Variants in PCDHGB1 observed in about 807,000 individuals in gnomAD.
The protein encoded by PCDHGB1 is protocadherin gamma-B1.
Under a neutral mutation model 56.6 loss-of-function variants are expected in PCDHGB1, and 34 were observed. The observed-to-expected ratio is 0.60, with a 90% CI of 0.46 to 0.80. PCDHGB1 has a LOEUF of 0.80. Among genes scored for constraint, PCDHGB1 ranks in the 30% least tolerant of loss-of-function variants. PCDHGB1 has a pLI of 0.00. For missense variants in PCDHGB1, 1,278 were observed against 1,204.6 expected, an observed-to-expected ratio of 1.06 and a Z score of -0.90; for synonymous variants, 561 against 505.9, an observed-to-expected ratio of 1.11 and a Z score of -1.46.
At chr5:141,411,631 C>G (rs570915798) in intron 1 of PCDHGB1, 1 of 151,812 alleles carries the variant, frequency 6.6e-6, no homozygotes, top group South Asian at 2.1e-4. Context: ...TGCTGTAATC[C>G]CAGCACTTTG....
At chr5:141,354,723 T>C (rs778133300) in intron 1 of PCDHGB1, among the ~76,000 whole-genome samples, 10 of 152,098 alleles carry the variant, frequency 6.6e-5, no homozygotes, top group Non-Finnish European at 1.5e-4. Flanking sequence ...GCTGTGGGGA[T>C]GAACAATGTG....
At chr5:141,444,152 A>ATTTTTTTTTTTTTTTTT (rs747671382) in intron 1 of PCDHGB1, among the ~76,000 whole-genome samples, 1 of 33,898 alleles carries the variant, frequency 3.0e-5, no homozygotes, top group African/African-American at 1.4e-4. Context: ...TGTGTACTGG[A>ATTTTTTTTTTTTTTTTT]TTTTTTTTTT....
intron 1 of PCDHGB1, among the ~76,000 whole-genome samples, chr5:141,401,627 G>A (rs998564450): frequency 6.6e-6 from 1 of 152,176 alleles, no homozygotes; most frequent in African/African-American, 2.4e-5. Flanking sequence ...TTGTCTTATC[G>A]TTTGGAGCTT....
chr5:141,428,057 G>T, intron 1 of PCDHGB1: 1 of 1,609,044 alleles, frequency 6.2e-7, no homozygotes, highest in Non-Finnish European at 8.5e-7. Flanking sequence ...AGGTGGTGGC[G>T]GTGGACGCAG....
At chr5:141,397,770 A>G (rs913843546) in intron 1 of PCDHGB1, among the ~76,000 whole-genome samples, 13 of 152,238 alleles carry the variant, frequency 8.5e-5, no homozygotes, top group African/African-American at 2.2e-4. Flanking sequence ...TTTATTAAGT[A>G]TATGGACGTA....
At chr5:141,404,089 T>A in intron 1 of PCDHGB1, 2 of 1,613,496 alleles carry the variant, frequency 1.2e-6, no homozygotes, top group Non-Finnish European at 1.7e-6. Flanking sequence ...CCGGGAAGAA[T>A]GGTCAAGTTG....
intron 1 of PCDHGB1, chr5:141,356,486 C>T (rs978605314): frequency 1.2e-6 from 2 of 1,613,992 alleles, no homozygotes; most frequent in South Asian, 1.1e-5. Flanking sequence ...GACCAGGGAA[C>T]TCCTCCACTG....
At position 141,381,798 on chromosome 5, in the gene PCDHGB1, C is replaced by CTCTT. The variant is rs372235829; in HGVS notation, c.2409+29150_2409+29153dup. ...ATCAGGAACAAGGCAAGGCAATTCC[C>CTCTT]TCTTTCTTTCTTTCTTTCTTTCTTC... is the stretch of plus-strand genomic sequence containing the variant. On this transcript the variant is annotated intron_variant, in intron 1 of 3. Coordinates refer to ENST00000523390, the MANE Select transcript of PCDHGB1 (RefSeq NM_018922.3). Among the ~76,000 whole-genome samples, 697 of 144,002 alleles carry CTCTT rather than the reference C, an allele frequency of 4.8e-3. 9 individuals carry two copies. The highest frequency in any genetic ancestry group is 9.2e-3 in the South Asian group (42 of 4,556). 94.5% of individuals were successfully genotyped at this position (144,002 alleles called of 152,430 possible).
At position 141,491,687 on chromosome 5, in the gene PCDHGB1, G is replaced by T. The variant is rs946829558; in HGVS notation, c.2410-3120G>T. 6.2e-7 allele frequency: 1 copy of T among 1,613,072 alleles called. No individual in the cohort carries two copies. Among genetic ancestry groups the T allele is most frequent in the African/African-American group, 1.3e-5 (1 of 75,046 alleles). On this transcript the variant is annotated intron_variant, in intron 1 of 3. Transcript: ENST00000523390. This position sits in a 1 kb window ranked among gnomAD's most constrained non-coding sequence, Gnocchi z 6.9. ...ATCCGGTCCCGCTCTAATACGCTGC[G>T]GGAGCGGAGCCAGGTGAGGGGCTCG...
intron 1 of PCDHGB1, among the ~76,000 whole-genome samples, chr5:141,484,774 C>T (rs1269490742): frequency 6.6e-6 from 1 of 151,782 alleles, no homozygotes; most frequent in Non-Finnish European, 1.5e-5. Context: ...ATGTTGTCTG[C>T]CTCCCCACAG....
intron 1 of PCDHGB1, chr5:141,478,557 G>A (rs1316386006): frequency 1.2e-6 from 2 of 1,600,016 alleles, no homozygotes; most frequent in Non-Finnish European, 1.7e-6. Context: ...GTAAGGTTTA[G>A]CAAGTCATGC....
chr5:141,373,392 A>G (rs1769542024), intron 1 of PCDHGB1, among the ~76,000 whole-genome samples: 1 of 152,218 alleles, frequency 6.6e-6, no homozygotes, highest in Non-Finnish European at 1.5e-5. Context: ...TTTGTGTAGC[A>G]TATGCCTGTA....
chr5:141,354,050 G>A lies in PCDHGB1; in HGVS notation c.2409+1381G>A, dbSNP rs183726749. On this transcript the variant is annotated intron_variant, in intron 1 of 3. Transcript: ENST00000523390. Reference sequence around the variant, plus strand: ...GAAAGAAAGCGATGGCACATGCAATGATAATCCATGTTCGGCTACCAAAAC... The same window carrying A: ...GAAAGAAAGCGATGGCACATGCAATAATAATCCATGTTCGGCTACCAAAAC... 1.9e-3 allele frequency among the ~76,000 whole-genome samples: 287 copies of A among 152,336 alleles called. 2 individuals carry two copies. Among genetic ancestry groups the A allele is most frequent in the South Asian group, 2.3e-3 (11 of 4,832 alleles).
chr5:141,439,441 T>C (rs2098112892), intron 1 of PCDHGB1, among the ~76,000 whole-genome samples: 2 of 152,348 alleles, frequency 1.3e-5, no homozygotes, highest in South Asian at 4.1e-4. Context: ...GAATATTTTA[T>C]TGCGGGAGCA....
intron 1 of PCDHGB1, among the ~76,000 whole-genome samples, chr5:141,483,160 T>C (rs1199191595): frequency 6.6e-6 from 1 of 152,176 alleles, no homozygotes; most frequent in Non-Finnish European, 1.5e-5. Flanking sequence ...AGTTAGATCC[T>C]GAGTTACCTT....
intron 1 of PCDHGB1, chr5:141,410,564 T>C: frequency 6.2e-7 from 1 of 1,612,612 alleles, no homozygotes; most frequent in Non-Finnish European, 8.5e-7. Context: ...TCCTGGAGCC[T>C]TAATTCCACC....
In PCDHGB1 at chr5:141,493,548, G is replaced by A. The variant is rs1243278355; in HGVS notation, c.2410-1259G>A. 3.9e-5 allele frequency among the ~76,000 whole-genome samples: 6 copies of A among 152,196 alleles called. No homozygotes were observed. ...AAACTTGGCCAGTTATCCTTTTGGA[G>A]ATTGAGTTCCCCCAGCTCCGTTTCC... On this transcript the variant is annotated intron_variant, in intron 1 of 3. Coordinates refer to ENST00000523390, the MANE Select transcript of PCDHGB1 (RefSeq NM_018922.3). This position sits in a 1 kb window ranked among gnomAD's most constrained non-coding sequence, Gnocchi z 4.3.
chr5:141,351,059 G>C lies in PCDHGB1; in HGVS notation c.799G>C (p.Asp267His). The C allele has an allele frequency of 6.2e-7, 1 of 1,614,066 alleles. No individual in the cohort carries two copies. Among genetic ancestry groups the C allele is most frequent in the Non-Finnish European group, 8.5e-7 (1 of 1,179,908 alleles). ...GCTGCGGGTGATGGCCACAGACCAG[G>C]ATGAGGGCATTAATGCAGAGATCAC... The part of the protein sequence containing the change: ...SVLRVMATDQ[D>H]EGINAEITYA... Residue 267 changes from aspartate (D) to histidine (H), a missense_variant, in exon 1 of 4, where the codon GAT becomes CAT. Physicochemically the swap from Asp to His is moderately conservative, Grantham distance 81 (BLOSUM62 -1). Transcript: ENST00000523390.
chr5:141,462,242 G>A (rs1325040495), intron 1 of PCDHGB1, among the ~76,000 whole-genome samples: 3 of 152,234 alleles, frequency 2.0e-5, no homozygotes, highest in Non-Finnish European at 4.4e-5. Context: ...TTACAGGTAT[G>A]AGCCACCATG....
Sources: gnomAD v4.1 joint callset for allele counts (sites outside exome capture counted in the v4.1 genomes callset) on GRCh38, gnomAD v4.1.1 for gene constraint, Gnocchi (gnomAD v3.1) non-coding constraint, MANE v1.5 for transcripts, NCBI Gene and HGNC (gene_info 2026-07-23, HGNC 2026-07-21) for gene names.